LHX4: variants seen among roughly 807,000 people sequenced by gnomAD.
The protein encoded by LHX4 is LIM/homeobox protein Lhx4.
A neutral mutation model predicts 39.2 loss-of-function variants in LHX4; 16 were observed. The ratio of observed to expected loss-of-function variants is 0.41; its 90% CI spans 0.28 to 0.62. LHX4 has a LOEUF of 0.62. LHX4 is among the 20% of genes least tolerant of loss of function. The probability of loss-of-function intolerance (pLI) is 0.33; values close to 1 mark genes in which losing one functional copy is unlikely to be tolerated. For missense variants in LHX4, 439 were observed against 511.9 expected, an observed-to-expected ratio of 0.86 and a Z score of 1.37; for synonymous variants, 206 against 198.1, an observed-to-expected ratio of 1.04 and a Z score of -0.33.
intron 2 of LHX4, among the ~76,000 whole-genome samples, chr1:180,265,149 C>T (rs1346656876): frequency 6.6e-6 from 1 of 152,220 alleles, no homozygotes; most frequent in East Asian, 1.9e-4. Flanking sequence ...GAAATATGTA[C>T]TGTCCTTTCA....
intron 1 of LHX4, 111 bp from the exon 2 acceptor site, chr1:180,248,174 G>A (rs1297512405): frequency 2.0e-6 from 2 of 979,018 alleles, no homozygotes; most frequent in Non-Finnish European, 3.2e-6. Flanking sequence ...TGCGGTTTGG[G>A]CCATGTCTGT....
intron 1 of LHX4, among the ~76,000 whole-genome samples, chr1:180,236,806 A>G (rs1364347131): frequency 6.6e-6 from 1 of 152,190 alleles, no homozygotes; most frequent in Admixed American, 6.5e-5. Flanking sequence ...TGAAGAGAGG[A>G]CAAAAGGAGT....
intron 3 of LHX4, chr1:180,271,175 C>A: frequency 1.6e-6 from 1 of 643,468 alleles, no homozygotes; most frequent in Admixed American, 2.3e-5. Flanking sequence ...GCTGTCCTCA[C>A]TTTTCAGTGG....
In LHX4 at chr1:180,234,960, G is replaced by A. The variant is rs1262562189; in HGVS notation, c.76+4355G>A. On this transcript the variant is annotated intron_variant, in intron 1 of 5. Transcript: ENST00000263726. The surrounding 1 kb of genome is among the most constrained non-coding windows in gnomAD (Gnocchi z 4.8). ...GGAACAGACGATGAATTCTTTAAAT[G>A]AGCGTTTGCTGCGCACCCATGGGCG... 6.6e-6 allele frequency among the ~76,000 whole-genome samples: 1 copy of A among 152,228 alleles called. No homozygotes were observed. The highest frequency in any genetic ancestry group is 1.5e-5 in the Non-Finnish European group (1 of 68,044).
Position 180,271,501 on chromosome 1 carries a change from C to T in LHX4, c.573C>T (p.Ser191=). Residue 191 remains serine, a synonymous_variant, in exon 4 of 6, where the codon TCC becomes TCT. Coordinates refer to ENST00000263726, the MANE Select transcript of LHX4 (RefSeq NM_033343.4). ...KPARHVREQL[S]SETGLDMRVV... ...CCCGGCACGTGAGGGAGCAGCTGTC[C>T]TCAGAGACAGGCCTGGACATGAGGG... The T allele has an allele frequency of 6.2e-7, 1 of 1,614,188 alleles. No homozygotes were observed. The highest frequency in any genetic ancestry group is 8.5e-7 in the Non-Finnish European group (1 of 1,180,034).
rs1463993383 is a variant in LHX4, at chr1:180,234,407, A to G, written c.76+3802A>G. The stretch of plus-strand genomic sequence containing the variant: ...GGGTTCCGATGTCCTAACTGCTAGG[A>G]TCCCGTTCCAGCCCCTGGCCAGAGC... On this transcript the variant is annotated intron_variant, in intron 1 of 5. Coordinates refer to ENST00000263726, the MANE Select transcript of LHX4 (RefSeq NM_033343.4). The surrounding 1 kb of genome is among the most constrained non-coding windows in gnomAD (Gnocchi z 4.8). Among the ~76,000 whole-genome samples the G allele has an allele frequency of 6.6e-6, 1 of 151,830 alleles. No individual in the cohort carries two copies. Among genetic ancestry groups the G allele is most frequent in the Non-Finnish European group, 1.5e-5 (1 of 67,930 alleles).
At position 180,230,714 on chromosome 1, in the gene LHX4, C is replaced by T. The variant is rs1191523310; in HGVS notation, c.76+109C>T. On this transcript the variant is annotated intron_variant, in intron 1 of 5. Transcript: ENST00000263726. This position sits in a 1 kb window ranked among gnomAD's most constrained non-coding sequence, Gnocchi z 5.8. ...TCAGGGGCCGGGAGGGGCTGGCGGC[C>T]GGGGCGCAGAGGCGGTCACAGGGCA... is the stretch of plus-strand genomic sequence containing the variant. 1.9e-6 allele frequency: 2 copies of T among 1,067,372 alleles called. No individual in the cohort carries two copies. The highest frequency in any genetic ancestry group is 2.0e-5 in the Admixed American group (1 of 51,004). The allele number at this position is 1,067,372 out of a possible 1,614,324, so 66.1% of individuals were successfully genotyped here. A position where few individuals can be genotyped will look rare whatever the true frequency, so the allele number is the denominator to read the frequency against.
intron 2 of LHX4, among the ~76,000 whole-genome samples, chr1:180,264,378 A>ACACAC (rs1242935728): frequency 2.1e-5 from 3 of 145,302 alleles, no homozygotes; most frequent in Non-Finnish European, 3.0e-5. Context: ...ACACACACAT[A>ACACAC]ACACACACAC....
In LHX4 at chr1:180,278,849, G is replaced by A. The variant is rs960467313; in HGVS notation, c.*4270G>A. 11 of 150,754 alleles carry A rather than the reference G, an allele frequency of 7.3e-5. No homozygotes were observed. Among genetic ancestry groups the A allele is most frequent in the Non-Finnish European group, 1.6e-4 (11 of 67,906 alleles). 9.3% of individuals were successfully genotyped at this position (150,754 alleles called of 1,614,324 possible). On this transcript the variant is annotated 3_prime_UTR_variant, in exon 6 of 6. Coordinates refer to ENST00000263726, the MANE Select transcript of LHX4 (RefSeq NM_033343.4). Reference sequence around the variant, plus strand: ...AAAAAAGAAAAAAAGAAAAAAAAAAGACCCACCCATCCTTATTTATTGCCA... The same window carrying A: ...AAAAAAGAAAAAAAGAAAAAAAAAAAACCCACCCATCCTTATTTATTGCCA...
intron 1 of LHX4, among the ~76,000 whole-genome samples, chr1:180,242,993 ACTTT>A (rs1282987375): frequency 6.6e-6 from 1 of 151,830 alleles, no homozygotes; most frequent in East Asian, 1.9e-4. Context: ...TTTGGTTACA[ACTTT>A]CTTTCTTTTC....
chr1:180,250,543 C>T (rs779626736), intron 2 of LHX4, among the ~76,000 whole-genome samples: 3 of 152,180 alleles, frequency 2.0e-5, no homozygotes, highest in Middle Eastern at 3.2e-3. Flanking sequence ...TTGCCCGTCT[C>T]GGGGCAGGGT....
upstream of LHX4, chr1:180,230,210 A>C: frequency 2.7e-5 from 11 of 412,246 alleles, no homozygotes; most frequent in East Asian, 1.6e-4. This position sits in a 1 kb window ranked among gnomAD's most constrained non-coding sequence, Gnocchi z 5.8. Context: ...CGGCACGCGA[A>C]GGGTGGAGGG....
At chr1:180,261,324 G>T (rs929955199) in intron 2 of LHX4, among the ~76,000 whole-genome samples, 1 of 151,548 alleles carries the variant, frequency 6.6e-6, no homozygotes, top group South Asian at 2.1e-4. Context: ...TAGCATGCCT[G>T]TACATGGATG....
intron 1 of LHX4, among the ~76,000 whole-genome samples, chr1:180,237,287 C>T (rs551855933): frequency 6.6e-6 from 1 of 152,268 alleles, no homozygotes; most frequent in African/African-American, 2.4e-5. Flanking sequence ...TCTTTCTAGG[C>T]GCCCTGGGAG....
chr1:180,269,000 G>A (rs916887836), intron 3 of LHX4, among the ~76,000 whole-genome samples: 1 of 152,142 alleles, frequency 6.6e-6, no homozygotes, highest in African/African-American at 2.4e-5. Flanking sequence ...TTGTTCACTT[G>A]TTCCGTCTCC....
At chr1:180,268,756 G>A (rs1424124143) in intron 3 of LHX4, among the ~76,000 whole-genome samples, 2 of 152,182 alleles carry the variant, frequency 1.3e-5, no homozygotes, top group East Asian at 1.9e-4. Context: ...CCTGTTCCCC[G>A]GGTCCTTTCC....
chr1:180,244,012 C>T (rs1273858263), intron 1 of LHX4, among the ~76,000 whole-genome samples: 2 of 152,162 alleles, frequency 1.3e-5, no homozygotes, highest in Admixed American at 6.5e-5. Context: ...GCTCCCCCAC[C>T]GTCAGCCTTG....
chr1:180,266,314 G>A lies in LHX4; in HGVS notation c.249-78G>A, dbSNP rs1477052635. ...AGTCCCGGAGTGGTGGGGTAGGAGG[G>A]AGGCTGCTCCAGGAAGTTGGGGGAA... On this transcript the variant is annotated intron_variant, in intron 2 of 5. Transcript: ENST00000263726. This position sits in a 1 kb window ranked among gnomAD's most constrained non-coding sequence, Gnocchi z 5.7. 2.8e-6 allele frequency: 4 copies of A among 1,421,652 alleles called. No individual in the cohort carries two copies. Among genetic ancestry groups the A allele is most frequent in the African/African-American group, 2.8e-5 (2 of 71,150 alleles). The allele number at this position is 1,421,652 out of a possible 1,614,324, so 88.1% of individuals were successfully genotyped here.
At chr1:180,230,074 C>G (rs1230854098), upstream of LHX4, among the ~76,000 whole-genome samples, 1 of 150,566 alleles carries the variant, frequency 6.6e-6, no homozygotes, top group Non-Finnish European at 1.5e-5. The surrounding 1 kb of genome is among the most constrained non-coding windows in gnomAD (Gnocchi z 5.8). Flanking sequence ...CCTCCGGGGT[C>G]GGCTGCCCGC....
Sources: allele counts gnomAD v4.1 joint callset (sites outside exome capture counted in the v4.1 genomes callset), GRCh38; gene constraint gnomAD v4.1.1; non-coding constraint Gnocchi (gnomAD v3.1); transcripts MANE v1.5; gene names NCBI Gene and HGNC (gene_info 2026-07-23, HGNC 2026-07-21).